The following SLC28A3 variants were observed in gnomAD, a reference collection of about 807,000 sequenced individuals.
SLC28A3 encodes the protein solute carrier family 28 member 3.
SLC28A3 carries 68 observed loss-of-function variants against 84.2 expected under a neutral mutation model. The observed-to-expected ratio is 0.81, with a 90% CI of 0.66 to 0.99. The LOEUF is 0.99. Among genes scored for constraint, SLC28A3 ranks in the 50% least tolerant of loss-of-function variants. The pLI is 0.00. For synonymous variants in SLC28A3, 267 were observed against 303.6 expected (o/e 0.88, Z 1.25); for missense variants, 712 against 841.5 (o/e 0.85, Z 1.90).
chr9:84,305,412 A>G, intron 3 of SLC28A3, 67 bp from the exon 4 acceptor site: 1 of 1,303,666 alleles, frequency 7.7e-7, no homozygotes, highest in Non-Finnish European at 1.1e-6. Context: ...CTGCATGGTG[A>G]GGCTAGATTA....
intron 6 of SLC28A3, among the ~76,000 whole-genome samples, chr9:84,298,775 G>A (rs939024100): frequency 6.6e-6 from 1 of 152,192 alleles, no homozygotes; most frequent in Non-Finnish European, 1.5e-5. Context: ...AGTGAATTAA[G>A]TAAAATATTG....
At chr9:84,358,011 T>C in the SLC28A3 span, among the ~76,000 whole-genome samples, 2 of 152,200 alleles carry the variant, frequency 1.3e-5, no homozygotes, top group Non-Finnish European at 2.9e-5. Context: ...CATCCCCTCA[T>C]TGATTCCCCT....
At chr9:84,311,414 T>C (rs116677191) in intron 2 of SLC28A3, among the ~76,000 whole-genome samples, 4,373 of 152,144 alleles carry the variant, frequency 0.029, 208 homozygotes, top group African/African-American at 0.098. Context: ...TTGTTACAAC[T>C]GAGGAGCCTA....
rs192022738 is a variant in SLC28A3 at position 84,321,877 on chromosome 9, C to G, written c.61-8423G>C. Among the ~76,000 whole-genome samples, 3 of 151,914 alleles carry G rather than the reference C, an allele frequency of 2.0e-5. 1 individual carries two copies. Among genetic ancestry groups the G allele is most frequent in the Admixed American group, 1.3e-4 (2 of 15,228 alleles). ...CCAGCCTGGCCAACATGGTGAAACC[C>G]GGTCTCTACTAAAAACACAAAAATT... On this transcript the variant is annotated intron_variant, in intron 1 of 17. Transcript: ENST00000376238.
At chr9:84,360,027 G>C in the SLC28A3 span, among the ~76,000 whole-genome samples, 174 of 146,620 alleles carry the variant, frequency 1.2e-3, no homozygotes, top group Non-Finnish European at 2.3e-3. Flanking sequence ...AAAAAAAGAA[G>C]TCTTAAGACT....
chr9:84,299,481 T>C, intron 6 of SLC28A3, 100 bp downstream of exon 6: 1 of 1,474,950 alleles, frequency 6.8e-7, no homozygotes, highest in East Asian at 2.4e-5. Context: ...GTAAGAAAAG[T>C]ACTGAACAAT....
At chr9:84,294,826 A>G (rs1482833752) in intron 8 of SLC28A3, among the ~76,000 whole-genome samples, 9 of 152,126 alleles carry the variant, frequency 5.9e-5, no homozygotes, top group Non-Finnish European at 1.0e-4. Flanking sequence ...GGAACCTGGG[A>G]GCGGCCATTC....
At position 84,309,683 on chromosome 9, in the gene SLC28A3, G is replaced by A. The variant is rs760291770; in HGVS notation, c.188C>T (p.Ser63Phe). ...DEEQVTVEQD[S>F]PRNREHMEDD... ...CTCCATGTGTTCTCTGTTTCTTGGA[G>A]AATCCTGCTCAACTGTGACCTGTTC... The change falls in exon 3 of 18, where the codon TCT becomes TTT. Residue 63 changes from serine (S) to phenylalanine (F), a missense_variant. Physicochemically the swap from Ser to Phe is radical, Grantham distance 155. Transcript: ENST00000376238. 5.6e-6 allele frequency: 9 copies of A among 1,613,894 alleles called. No homozygotes were observed. Among genetic ancestry groups the A allele is most frequent in the South Asian group, 2.2e-5 (2 of 91,060 alleles).
At chr9:84,293,595 C>T (rs893722735) in intron 9 of SLC28A3, among the ~76,000 whole-genome samples, 1 of 152,204 alleles carries the variant, frequency 6.6e-6, no homozygotes, top group African/African-American at 2.4e-5. Flanking sequence ...GCTGACGGAG[C>T]TCCTTGTCCT....
the SLC28A3 span, among the ~76,000 whole-genome samples, chr9:84,355,689 AG>A: frequency 2.0e-5 from 3 of 152,102 alleles, no homozygotes; most frequent in African/African-American, 4.8e-5. Flanking sequence ...AGAGCCTCTT[AG>A]GGTTTTGTGA....
At chr9:84,355,490 A>G in the SLC28A3 span, among the ~76,000 whole-genome samples, 2 of 152,216 alleles carry the variant, frequency 1.3e-5, no homozygotes, top group African/African-American at 4.8e-5. Context: ...AATTTACTAT[A>G]CATGGGTCCA....
chr9:84,340,183 C>T (rs888232068), intron 1 of SLC28A3, among the ~76,000 whole-genome samples: 1 of 152,108 alleles, frequency 6.6e-6, no homozygotes, highest in Non-Finnish European at 1.5e-5. Flanking sequence ...ACAGGGGCTC[C>T]AGGACTTGGC....
intron 1 of SLC28A3, among the ~76,000 whole-genome samples, chr9:84,321,691 G>A (rs1162564572): frequency 3.6e-5 from 5 of 138,306 alleles, no homozygotes; most frequent in African/African-American, 5.5e-5. Flanking sequence ...CTGAGATTGC[G>A]CCACTGCACT....
chr9:84,306,302 A>C (rs1269660502), intron 3 of SLC28A3, among the ~76,000 whole-genome samples: 2 of 152,226 alleles, frequency 1.3e-5, no homozygotes, highest in African/African-American at 4.8e-5. Flanking sequence ...ATGTGGCCCC[A>C]AGCTGGGAGA....
At chr9:84,339,859 T>A (rs750436627) in intron 1 of SLC28A3, among the ~76,000 whole-genome samples, 1 of 152,130 alleles carries the variant, frequency 6.6e-6, no homozygotes, top group Non-Finnish European at 1.5e-5. Context: ...CACCTCAAAG[T>A]TTTGTTTTGC....
intron 1 of SLC28A3, among the ~76,000 whole-genome samples, chr9:84,313,868 G>GAAAAAAAAAAAAAAAAAAAAA (rs754131148): frequency 8.0e-6 from 1 of 125,576 alleles, no homozygotes; most frequent in African/African-American, 3.0e-5. Flanking sequence ...GACTCTACCT[G>GAAAAAAAAAAAAAAAAAAAAA]AAAAAAAAAA....
intron 11 of SLC28A3, chr9:84,289,854 T>C (rs1488450527): frequency 8.7e-6 from 2 of 229,888 alleles, no homozygotes; most frequent in Admixed American, 5.0e-5. Context: ...CCTTGACTGA[T>C]GTAATAATTT....
chr9:84,299,687 C>G lies in SLC28A3; in HGVS notation c.563G>C (p.Trp188Ser). 1.2e-6 allele frequency: 2 copies of G among 1,611,832 alleles called. No individual in the cohort carries two copies. The highest frequency in any genetic ancestry group is 2.2e-5 in the South Asian group (2 of 90,388). Residue 188 changes from tryptophan to serine, a missense_variant, in exon 6 of 18, where the codon TGG (tryptophan) becomes TCG (serine). By Grantham distance (177) the Trp-to-Ser change is radical. Coordinates refer to ENST00000376238, the MANE Select transcript of SLC28A3 (RefSeq NM_001199633.2). The stretch of plus-strand genomic sequence containing the variant: ...CAATTTGGCAGTGTCAAAGGCCAAC[C>G]AGAAAATAACTGCTAGGACCAGGGA... Reference protein sequence around the residue: ...WSSLVLAVIFWLAFDTAKLGQ... With the variant: ...WSSLVLAVIFSLAFDTAKLGQ...
upstream of SLC28A3, among the ~76,000 whole-genome samples, chr9:84,341,752 AT>A (rs1278373922): frequency 3.9e-5 from 6 of 152,162 alleles, no homozygotes; most frequent in Non-Finnish European, 7.4e-5. Context: ...ACTTTGCTTT[AT>A]GAAAATATTA....
Sources: gnomAD v4.1 joint callset for allele counts (sites outside exome capture counted in the v4.1 genomes callset) on GRCh38, gnomAD v4.1.1 for gene constraint, MANE v1.5 for transcripts, NCBI Gene and HGNC (gene_info 2026-07-23, HGNC 2026-07-21) for gene names.